Variants in UMPS observed in about 807,000 individuals in gnomAD.
UMPS encodes uridine 5'-monophosphate synthase.
Under a neutral mutation model 38.9 loss-of-function variants are expected in UMPS, and 21 were observed. The observed-to-expected ratio is 0.54, with a 90% CI of 0.38 to 0.78. UMPS has a LOEUF of 0.78. UMPS is among the 30% of genes least tolerant of loss of function. The pLI is 0.00. For missense variants in UMPS, 533 were observed against 591.6 expected (o/e 0.90, Z 1.03); for synonymous variants, 208 against 219.3 (o/e 0.95, Z 0.45).
rs1369138009 is a variant in UMPS at position 124,746,632 on chromosome 3, G to A, written c.*2548G>A. ...CATTGTAACTCCTGGTCTTAGTGGG[G>A]AATATAGGGACCCCATGTCTCCATG... On this transcript the variant is annotated 3_prime_UTR_variant, in exon 6 of 6. Coordinates refer to ENST00000232607, the MANE Select transcript of UMPS (RefSeq NM_000373.4). 2 of 453,966 alleles carry A rather than the reference G, an allele frequency of 4.4e-6. No individual in the cohort carries two copies. Among genetic ancestry groups the A allele is most frequent in the Admixed American group, 4.7e-5 (2 of 42,554 alleles). 28.1% of individuals were successfully genotyped at this position (453,966 alleles called of 1,614,324 possible). A position where few individuals can be genotyped will look rare whatever the true frequency, so the allele number is the denominator to read the frequency against.
intron 1 of UMPS, among the ~76,000 whole-genome samples, chr3:124,731,113 G>A (rs1185006758): frequency 6.6e-6 from 1 of 152,086 alleles, no homozygotes; most frequent in Non-Finnish European, 1.5e-5. Context: ...CGCTGAGGTG[G>A]GAGGATCACC....
intron 1 of UMPS, chr3:124,733,521 T>A (rs777311514): frequency 1.6e-5 from 3 of 189,980 alleles, no homozygotes; most frequent in Non-Finnish European, 2.3e-5. Context: ...CTGACTGCCT[T>A]GCTGTGAATG....
In UMPS at chr3:124,743,986, G is replaced by A. The variant is rs1488768659; in HGVS notation, c.1345G>A (p.Val449Ile). The A allele has an allele frequency of 1.2e-6, 2 of 1,614,230 alleles. No homozygotes were observed. Among genetic ancestry groups the A allele is most frequent in the South Asian group, 2.2e-5 (2 of 91,082 alleles). The change falls in exon 6 of 6, where the codon GTA becomes ATA. Residue 449 changes from valine (V) to isoleucine (I), a missense_variant. Val to Ile is a conservative substitution (Grantham distance 29). Coordinates refer to ENST00000232607, the MANE Select transcript of UMPS (RefSeq NM_000373.4). ...IGKRGSDIII[V>I]GRGIISAADR... ...CAAACGAGGTTCCGATATCATCATT[G>A]TAGGTCGTGGCATAATCTCAGCAGC... is the stretch of plus-strand genomic sequence containing the variant.
chr3:124,742,086 T>A, intron 4 of UMPS, 66 bp from the exon 5 acceptor site: 3 of 1,163,526 alleles, frequency 2.6e-6, no homozygotes, highest in Non-Finnish European at 3.8e-6. Flanking sequence ...AAATAGAGCA[T>A]ATTTTTACTT....
chr3:124,737,492 CAG>C (rs1218703807), intron 2 of UMPS, 74 bp from the exon 3 acceptor site: 4 of 1,399,076 alleles, frequency 2.9e-6, no homozygotes, highest in Non-Finnish European at 4.0e-6. Flanking sequence ...GTTTTGTATA[CAG>C]AGTGTGTGTA....
chr3:124,730,762 G>C (rs2063469753), intron 1 of UMPS, 135 bp downstream of exon 1: 1 of 1,040,794 alleles, frequency 9.6e-7, no homozygotes, highest in Non-Finnish European at 1.4e-6. Context: ...CTCTTGGTTT[G>C]GGGAGTAAGC....
rs765525297 is a variant in UMPS at position 124,742,210 on chromosome 3, T to C, written c.1217T>C (p.Val406Ala). Residue 406 changes from valine (V) to alanine (A), a missense_variant, in exon 5 of 6, where the codon GTA becomes GCA. Coordinates refer to ENST00000232607, the MANE Select transcript of UMPS (RefSeq NM_000373.4). The stretch of plus-strand genomic sequence containing the variant: ...GTTGGTTTTATTTCTGGCTCCCGAG[T>C]AAGCATGAAACCAGAATTTCTTCAC... ...FVVGFISGSR[V>A]SMKPEFLHLT... is the part of the protein sequence containing the mutation. 1 of 1,614,168 alleles carries C rather than the reference T, an allele frequency of 6.2e-7. No homozygotes were observed. The highest frequency in any genetic ancestry group is 8.5e-7 in the Non-Finnish European group (1 of 1,180,022).
At chr3:124,742,536 C>G in intron 5 of UMPS, 1 of 478,586 alleles carries the variant, frequency 2.1e-6, no homozygotes. Flanking sequence ...ATATTTAACA[C>G]AATGTCTTGG....
At position 124,742,203 on chromosome 3, in the gene UMPS, TC is replaced by T. The variant is rs1447958921; in HGVS notation, c.1213del (p.Arg405GlufsTer2). The T allele has an allele frequency of 1.2e-6, 2 of 1,614,150 alleles. No homozygotes were observed. The highest frequency in any genetic ancestry group is 1.7e-6 in the Non-Finnish European group (2 of 1,180,026). On this transcript the variant is annotated frameshift_variant, in exon 5 of 6. Coordinates refer to ENST00000232607, the MANE Select transcript of UMPS (RefSeq NM_000373.4). LOFTEE classifies it high-confidence loss of function. The stretch of plus-strand genomic sequence containing the variant: ...ATTTGTTGTTGGTTTTATTTCTGGC[TC>T]CCGAGTAAGCATGAAACCAGAATTT... ...SEFVVGFISGSRVSMKPEFLH... is the reference protein window; with the variant it reads ...SEFVVGFISGXRVSMKPEFLH...
intron 2 of UMPS, 134 bp from the exon 3 acceptor site, chr3:124,737,434 T>G (rs1178440426): frequency 3.8e-6 from 3 of 794,934 alleles, no homozygotes; most frequent in Non-Finnish European, 6.2e-6. Flanking sequence ...ACTAGCAAGT[T>G]TGGTATACAG....
rs192096098 is a variant in UMPS, at chr3:124,736,246, G to A, written c.310+1000G>A. On this transcript the variant is annotated intron_variant, in intron 2 of 5. Transcript: ENST00000232607. ...CCACTGCACTGCACCCTGGGTGACA[G>A]AGCAAGACTGTCAAAAAATAAATAA... 7.9e-5 allele frequency among the ~76,000 whole-genome samples: 12 copies of A among 152,150 alleles called. No homozygotes were observed. The East Asian group carries it at 1.9e-3, about 24-fold the overall frequency.
chr3:124,744,320 T>C lies in UMPS; in HGVS notation c.*236T>C, dbSNP rs942050691. The C allele has an allele frequency of 1.7e-6, 1 of 583,514 alleles. No homozygotes were observed. The highest frequency in any genetic ancestry group is 3.2e-6 in the Non-Finnish European group (1 of 312,986). The allele number at this position is 583,514 out of a possible 1,614,324, so 36.1% of individuals were successfully genotyped here. ...GCTTGCTTTTTTTGAGACTGGTGTTTGTTAGACAGCCACAGTCCTGTCTGG... is the reference window on the plus strand; with the variant it reads ...GCTTGCTTTTTTTGAGACTGGTGTTCGTTAGACAGCCACAGTCCTGTCTGG... On this transcript the variant is annotated 3_prime_UTR_variant, in exon 6 of 6. Coordinates refer to ENST00000232607, the MANE Select transcript of UMPS (RefSeq NM_000373.4).
At chr3:124,742,130 T>G (rs756863536) in intron 4 of UMPS, 22 bp from the exon 5 acceptor site, 1 of 1,522,454 alleles carries the variant, frequency 6.6e-7, no homozygotes, top group Non-Finnish European at 9.1e-7. Flanking sequence ...TCTTATAATA[T>G]GTCCTATTAC....
intron 2 of UMPS, 22 bp downstream of exon 2, chr3:124,735,268 G>A (rs1162022355): frequency 6.3e-7 from 1 of 1,597,568 alleles, no homozygotes. Context: ...GTAACATAAA[G>A]CATGAAGTTA....
intron 3 of UMPS, 49 bp downstream of exon 3, chr3:124,738,288 C>T: frequency 6.3e-7 from 1 of 1,587,504 alleles, no homozygotes; most frequent in Non-Finnish European, 8.6e-7. Flanking sequence ...CCAGCTTAAA[C>T]TGAAGAAGAA....
rs1195406768 is a variant in UMPS at position 124,746,313 on chromosome 3, G to A, written c.*2229G>A. 4.4e-6 allele frequency: 2 copies of A among 454,060 alleles called. No homozygotes were observed. Among genetic ancestry groups the A allele is most frequent in the East Asian group, 1.4e-4 (2 of 14,412 alleles). 28.1% of individuals were successfully genotyped at this position (454,060 alleles called of 1,614,324 possible). ...TGTGCCCCACACCATCAGAGTTTCT[G>A]CGTTAGCAGATTTGTGGTTTGCCCA... is the stretch of plus-strand genomic sequence containing the variant. On this transcript the variant is annotated 3_prime_UTR_variant, in exon 6 of 6. Coordinates refer to ENST00000232607, the MANE Select transcript of UMPS (RefSeq NM_000373.4).
rs146016235 is a variant in UMPS, at chr3:124,731,238, G to T, written c.156+611G>T. ...AAACAAATAGACCGGGAAAACGTGG[G>T]TAGGCAGAGAATTCAGTAGCTGGGA... is the stretch of plus-strand genomic sequence containing the variant. On this transcript the variant is annotated intron_variant, in intron 1 of 5. Transcript: ENST00000232607. Among the ~76,000 whole-genome samples the T allele has an allele frequency of 7.2e-5, 11 of 152,262 alleles. No homozygotes were observed. The East Asian group carries it at 1.9e-3, about 27-fold the overall frequency.
Position 124,738,510 on chromosome 3 carries a change from A to G in UMPS, c.982+271A>G, listed in dbSNP as rs2063533736. 1.2e-5 allele frequency: 5 copies of G among 421,630 alleles called. No homozygotes were observed. In the East Asian group the frequency reaches 2.5e-4, roughly 21 times the overall value. 26.1% of individuals were successfully genotyped at this position (421,630 alleles called of 1,614,324 possible). ...GCTTGGGATGTAGAATACCTTCATT[A>G]ACTAGCCTGGGCAATTTGCTCTGCA... On this transcript the variant is annotated intron_variant, in intron 3 of 5. Coordinates refer to ENST00000232607, the MANE Select transcript of UMPS (RefSeq NM_000373.4).
At chr3:124,739,009 A>G (rs1353449911) in intron 3 of UMPS, among the ~76,000 whole-genome samples, 1 of 152,186 alleles carries the variant, frequency 6.6e-6, no homozygotes, top group African/African-American at 2.4e-5. Flanking sequence ...TAATGTATGC[A>G]TGTTCATAAG....
Sources: gnomAD v4.1 joint callset for allele counts (sites outside exome capture counted in the v4.1 genomes callset) on GRCh38, gnomAD v4.1.1 for gene constraint, MANE v1.5 for transcripts, NCBI Gene and HGNC (gene_info 2026-07-23, HGNC 2026-07-21) for gene names.